The following KIAA1549L variants were observed in gnomAD, a reference collection of about 807,000 sequenced individuals.
The protein encoded by KIAA1549L is KIAA1549 like.
Under a neutral mutation model 160.7 loss-of-function variants are expected in KIAA1549L, and 88 were observed. That is an observed-to-expected ratio of 0.55 (90% CI 0.46 to 0.65). The LOEUF (loss-of-function observed/expected upper bound fraction) is 0.65, where lower values mean the gene tolerates loss of function less well. KIAA1549L is among the 30% of genes least tolerant of loss of function. The probability of loss-of-function intolerance (pLI) is 0.00; values close to 1 mark genes in which losing one functional copy is unlikely to be tolerated. For synonymous variants in KIAA1549L, 950 were observed against 976.7 expected (o/e 0.97, Z 0.51); for missense variants, 2,258 against 2,437.5 (o/e 0.93, Z 1.55).
intron 10 of KIAA1549L, 78 bp downstream of exon 10, chr11:33,574,951 C>A (rs1251879192): frequency 4.1e-6 from 5 of 1,228,570 alleles, no homozygotes; most frequent in Non-Finnish European, 5.9e-6. Flanking sequence ...TCCCCAAAAT[C>A]ATGTTAATGG....
chr11:33,588,273 G>A (rs560154412), intron 11 of KIAA1549L, among the ~76,000 whole-genome samples: 21 of 152,268 alleles, frequency 1.4e-4, no homozygotes, highest in Middle Eastern at 3.4e-3. Flanking sequence ...AGTCCCTATC[G>A]TTGGAACAAA....
chr11:33,542,227 C>A lies in KIAA1549L; in HGVS notation c.664C>A (p.Pro222Thr). 1.5e-6 allele frequency: 1 copy of A among 662,334 alleles called. No individual in the cohort carries two copies. The highest frequency in any genetic ancestry group is 2.8e-6 in the Non-Finnish European group (1 of 357,336). The allele number at this position is 662,334 out of a possible 1,614,324, so 41.0% of individuals were successfully genotyped here. A position where few individuals can be genotyped will look rare whatever the true frequency, so the allele number is the denominator to read the frequency against. Residue 222 changes from proline to threonine, a missense_variant, in exon 2 of 21, where the codon CCA becomes ACA. Pro to Thr is a conservative substitution (Grantham distance 38). Coordinates refer to ENST00000658780, the MANE Select transcript of KIAA1549L (RefSeq NM_012194.3). ...CTTCAGTGCTGTCCCCCCATCCCAGCCAGTATGGGCAGGGACTTCCTCCAT... is the reference window on the plus strand; with the variant it reads ...CTTCAGTGCTGTCCCCCCATCCCAGACAGTATGGGCAGGGACTTCCTCCAT... The part of the protein sequence containing the change: ...TSFSAVPPSQ[P>T]VWAGTSSISK...
chr11:33,477,093 AAGGC>A (rs1852302158), intron 1 of KIAA1549L, among the ~76,000 whole-genome samples: 1 of 152,188 alleles, frequency 6.6e-6, no homozygotes, highest in East Asian at 1.9e-4. Flanking sequence ...GATCAGGCCA[AAGGC>A]AGTAACACTT....
intron 1 of KIAA1549L, among the ~76,000 whole-genome samples, chr11:33,495,750 A>G (rs986291091): frequency 6.6e-6 from 1 of 151,962 alleles, no homozygotes; most frequent in Non-Finnish European, 1.5e-5. Flanking sequence ...CCAACAGTGT[A>G]AAAGTGTTCC....
rs559403273 is a variant in KIAA1549L at position 33,611,543 on chromosome 11, C to T, written c.5279+1577C>T. On this transcript the variant is annotated intron_variant, in intron 15 of 20. Coordinates refer to ENST00000658780, the MANE Select transcript of KIAA1549L (RefSeq NM_012194.3). ...ACAAGCTATTGATATCAAATCACACCATGACAGGGTTCACAATGCATGTGT... is the reference window on the plus strand; with the variant it reads ...ACAAGCTATTGATATCAAATCACACTATGACAGGGTTCACAATGCATGTGT... Among the ~76,000 whole-genome samples, 8 of 152,178 alleles carry T rather than the reference C, an allele frequency of 5.3e-5. No homozygotes were observed. In the South Asian group the frequency reaches 1.7e-3, roughly 32 times the overall value.
chr11:33,645,561 G>T (rs1851694971), intron 16 of KIAA1549L, 125 bp from the exon 17 acceptor site: 1 of 715,862 alleles, frequency 1.4e-6, no homozygotes, highest in African/African-American at 1.8e-5. Flanking sequence ...GGGCACGTAG[G>T]ATATAATTTA....
Position 33,466,542 on chromosome 11 carries a change from T to C in KIAA1549L, c.239-75260T>C, listed in dbSNP as rs139503127. On this transcript the variant is annotated intron_variant, in intron 1 of 20. Coordinates refer to ENST00000658780, the MANE Select transcript of KIAA1549L (RefSeq NM_012194.3). ...GTGGGAGTGTAAACTAGTTCAACCA[T>C]TGTGGAAGACAGTGTGGTGATTCCT... Among the ~76,000 whole-genome samples the C allele has an allele frequency of 4.6e-3, 701 of 152,288 alleles. 8 individuals are homozygous for C. Among genetic ancestry groups the C allele is most frequent in the African/African-American group, 0.016 (646 of 41,554 alleles).
At chr11:33,421,236 A>G (rs1398761852) in intron 1 of KIAA1549L, among the ~76,000 whole-genome samples, 14 of 119,724 alleles carry the variant, frequency 1.2e-4, no homozygotes, top group Admixed American at 1.0e-3. Flanking sequence ...GCTAATTAGA[A>G]GAAAGGGGGA....
chr11:33,393,707 T>C (rs1850315459), intron 1 of KIAA1549L, among the ~76,000 whole-genome samples: 1 of 152,162 alleles, frequency 6.6e-6, no homozygotes, highest in African/African-American at 2.4e-5. Context: ...CAGGAAGCAG[T>C]GCTACTTATA....
intron 7 of KIAA1549L, 38 bp downstream of exon 7, chr11:33,559,949 C>G (rs1854787873): frequency 6.3e-7 from 1 of 1,591,338 alleles, no homozygotes; most frequent in Non-Finnish European, 8.6e-7. Flanking sequence ...CCAGTGTTTC[C>G]CCTGTGGCCT....
At chr11:33,431,488 G>T (rs1851241957) in intron 1 of KIAA1549L, among the ~76,000 whole-genome samples, 2 of 152,104 alleles carry the variant, frequency 1.3e-5, no homozygotes, top group Admixed American at 1.3e-4. Context: ...GTTCTCCAAG[G>T]CCCCACCAGA....
chr11:33,385,231 T>G (rs1268935405), intron 1 of KIAA1549L, among the ~76,000 whole-genome samples: 2 of 152,250 alleles, frequency 1.3e-5, no homozygotes, highest in Non-Finnish European at 2.9e-5. Flanking sequence ...CTTGGTCCAT[T>G]GACTTATCTT....
At chr11:33,504,790 A>C (rs1853041766) in intron 1 of KIAA1549L, among the ~76,000 whole-genome samples, 1 of 152,040 alleles carries the variant, frequency 6.6e-6, no homozygotes, top group Non-Finnish European at 1.5e-5. Flanking sequence ...TCTTTTAGAC[A>C]GGGTCTTTCT....
chr11:33,393,825 TTTTA>T (rs1215100186), intron 1 of KIAA1549L, among the ~76,000 whole-genome samples: 2 of 152,188 alleles, frequency 1.3e-5, no homozygotes, highest in Non-Finnish European at 2.9e-5. Flanking sequence ...TGGGATTATG[TTTTA>T]TTTGTCTTAG....
At chr11:33,591,508 C>T (rs533772123) in intron 12 of KIAA1549L, 87 bp downstream of exon 12, 102 of 1,068,924 alleles carry the variant, frequency 9.5e-5, no homozygotes, top group Non-Finnish European at 1.1e-4. Context: ...GTTAATTCCA[C>T]GGTTCTCTTT....
chr11:33,562,377 G>C (rs1854892320), intron 8 of KIAA1549L, among the ~76,000 whole-genome samples: 1 of 152,218 alleles, frequency 6.6e-6, no homozygotes, highest in African/African-American at 2.4e-5. Flanking sequence ...GGAAGGAGAG[G>C]AACAGGAGGA....
At chr11:33,570,978 A>T (rs936547577) in intron 9 of KIAA1549L, among the ~76,000 whole-genome samples, 1 of 152,146 alleles carries the variant, frequency 6.6e-6, no homozygotes, top group Non-Finnish European at 1.5e-5. Context: ...AGATGATCAC[A>T]AACTGACTCC....
chr11:33,658,646 G>A, intron 18 of KIAA1549L, 104 bp from the exon 19 acceptor site: 1 of 1,170,228 alleles, frequency 8.5e-7, no homozygotes, highest in Non-Finnish European at 1.2e-6. Context: ...CATGAGGCTT[G>A]GAGGCAGCTG....
At chr11:33,553,895 A>G (rs892521543) in intron 6 of KIAA1549L, among the ~76,000 whole-genome samples, 20 of 152,226 alleles carry the variant, frequency 1.3e-4, no homozygotes, top group African/African-American at 4.6e-4. Flanking sequence ...AGGAAACTTT[A>G]TAAATCAAGT....
Sources: allele counts gnomAD v4.1 joint callset (sites outside exome capture counted in the v4.1 genomes callset), GRCh38; gene constraint gnomAD v4.1.1; transcripts MANE v1.5; gene names NCBI Gene and HGNC (gene_info 2026-07-23, HGNC 2026-07-21).